Variants in COL13A1 observed in about 807,000 individuals in gnomAD.
COL13A1 encodes the protein collagen type XIII alpha 1 chain.
A neutral mutation model predicts 130.9 loss-of-function variants in COL13A1; 89 were observed. The observed-to-expected ratio is 0.68, with a 90% confidence interval of 0.57 to 0.81. COL13A1 has a LOEUF of 0.81. COL13A1 is among the 30% of genes least tolerant of loss of function. The probability of loss-of-function intolerance (pLI) is 0.00; values close to 1 mark genes in which losing one functional copy is unlikely to be tolerated. For synonymous variants in COL13A1, 402 were observed against 341.6 expected (o/e 1.18, Z -1.95); for missense variants, 879 against 934.6 (o/e 0.94, Z 0.78).
chr10:69,838,175 G>A (rs1042935215), intron 2 of COL13A1, among the ~76,000 whole-genome samples: 3 of 152,252 alleles, frequency 2.0e-5, no homozygotes, highest in African/African-American at 7.2e-5. Context: ...CCACAGCCTT[G>A]TGCCTTCCCG....
chr10:69,893,369 C>A (rs2061366145), intron 10 of COL13A1, among the ~76,000 whole-genome samples: 1 of 152,230 alleles, frequency 6.6e-6, no homozygotes, highest in South Asian at 2.1e-4. Context: ...CAATAAAAGA[C>A]CAATAAACAC....
At chr10:69,839,883 T>A (rs541599195) in intron 2 of COL13A1, among the ~76,000 whole-genome samples, 1 of 152,168 alleles carries the variant, frequency 6.6e-6, no homozygotes, top group South Asian at 2.1e-4. Flanking sequence ...TCACCCTCAA[T>A]GAGCCAGGAA....
At chr10:69,830,232 C>G (rs1227758) in intron 2 of COL13A1, among the ~76,000 whole-genome samples, 2 of 152,052 alleles carry the variant, frequency 1.3e-5, no homozygotes, top group Non-Finnish European at 2.9e-5. Context: ...CTAGGCACTT[C>G]TGAGAGAAAT....
At chr10:69,898,061 C>T (rs975502778) in intron 13 of COL13A1, among the ~76,000 whole-genome samples, 6 of 152,216 alleles carry the variant, frequency 3.9e-5, no homozygotes, top group Non-Finnish European at 5.9e-5. Context: ...CATGTGCCCA[C>T]GCTGGCCTCA....
intron 2 of COL13A1, among the ~76,000 whole-genome samples, chr10:69,823,462 T>A: frequency 6.6e-6 from 1 of 152,172 alleles, no homozygotes; most frequent in East Asian, 1.9e-4. Context: ...CTCTGCCAGC[T>A]CAGCGTGTGG....
At chr10:69,952,747 T>C in intron 38 of COL13A1, 135 bp from the exon 39 acceptor site, 1 of 624,686 alleles carries the variant, frequency 1.6e-6, no homozygotes, top group Non-Finnish European at 2.6e-6. Flanking sequence ...CAAATCCTAC[T>C]GGGGAGAATA....
At chr10:69,861,257 A>T (rs574904550) in intron 2 of COL13A1, among the ~76,000 whole-genome samples, 2 of 152,200 alleles carry the variant, frequency 1.3e-5, no homozygotes, top group African/African-American at 2.4e-5. Flanking sequence ...CCAGGTGTGA[A>T]GTCCACTTCC....
intron 17 of COL13A1, among the ~76,000 whole-genome samples, chr10:69,915,568 G>T (rs535039787): frequency 1.5e-4 from 23 of 152,354 alleles, no homozygotes; most frequent in Admixed American, 4.6e-4. Flanking sequence ...CATTGAGGAT[G>T]CAGCGCTGAG....
At position 69,806,670 on chromosome 10, in the gene COL13A1, G is replaced by T. The variant is rs1841666689; in HGVS notation, c.294+3953G>T. 3.3e-5 allele frequency among the ~76,000 whole-genome samples: 5 copies of T among 152,342 alleles called. No individual in the cohort carries two copies. The South Asian group carries it at 1.0e-3, about 32-fold the overall frequency. ...GAAAATCAGATGACACCTAGGACTG[G>T]GCAGCCGTGTGCAGTGAATGAGAAG... On this transcript the variant is annotated intron_variant, in intron 1 of 40. Coordinates refer to ENST00000645393, the MANE Select transcript of COL13A1 (RefSeq NM_001368882.1).
chr10:69,927,304 AGAG>A (rs2065497009), intron 27 of COL13A1, among the ~76,000 whole-genome samples, 194 bp downstream of exon 27: 1 of 152,100 alleles, frequency 6.6e-6, no homozygotes, highest in South Asian at 2.1e-4. Context: ...GTGGGCCTCG[AGAG>A]CTGCCCGTGC....
At position 69,917,297 on chromosome 10, in the gene COL13A1, G is replaced by A; in HGVS notation, c.930G>A (p.Arg310=). The A allele has an allele frequency of 6.2e-7, 1 of 1,613,608 alleles. No individual in the cohort carries two copies. Among genetic ancestry groups the A allele is most frequent in the East Asian group, 2.2e-5 (1 of 44,874 alleles). ...IQGYHGRKGE[R]GMPGMPGKHG... ...CTCATTTCTTCCTCCAGGGAGAACG[G>A]GGCATGCCAGGGATGCCAGGCAAGC... Residue 310 remains arginine (R), a synonymous_variant, in exon 18 of 41, where the codon CGG becomes CGA. Coordinates refer to ENST00000645393, the MANE Select transcript of COL13A1 (RefSeq NM_001368882.1).
At chr10:69,944,620 C>T (rs1425083297) in intron 36 of COL13A1, among the ~76,000 whole-genome samples, 2 of 148,246 alleles carry the variant, frequency 1.3e-5, no homozygotes, top group Non-Finnish European at 3.0e-5. Context: ...TATTATATTA[C>T]TGCACTCCAG....
At position 69,930,100 on chromosome 10, in the gene COL13A1, G is replaced by T. The variant is rs895397855; in HGVS notation, c.1530+13G>T. ...CGATGGGGAAAAGGTATGAACAGACGTCCTCTGGTCAAACCTCTGAAGACA... is the reference window on the plus strand; with the variant it reads ...CGATGGGGAAAAGGTATGAACAGACTTCCTCTGGTCAAACCTCTGAAGACA... On this transcript the variant is annotated intron_variant, in intron 29 of 40. Coordinates refer to ENST00000645393, the MANE Select transcript of COL13A1 (RefSeq NM_001368882.1). The T allele has an allele frequency of 3.1e-6, 5 of 1,613,464 alleles. No homozygotes were observed. The highest frequency in any genetic ancestry group is 4.2e-6 in the Non-Finnish European group (5 of 1,179,534).
At chr10:69,899,732 T>C (rs2062002995) in intron 14 of COL13A1, among the ~76,000 whole-genome samples, 1 of 152,218 alleles carries the variant, frequency 6.6e-6, no homozygotes, top group Non-Finnish European at 1.5e-5. Context: ...TCTTCAGAGA[T>C]CACAGCTTGA....
chr10:69,934,323 A>G (rs895435387), intron 31 of COL13A1, among the ~76,000 whole-genome samples: 16 of 152,338 alleles, frequency 1.1e-4, no homozygotes, highest in African/African-American at 3.8e-4. Context: ...AAAATGGTAA[A>G]CTTTTGTTAA....
rs147780596 is a variant in COL13A1, at chr10:69,949,920, G to A, written c.2058+2578G>A. 8.4e-4 allele frequency among the ~76,000 whole-genome samples: 126 copies of A among 149,976 alleles called. 1 individual carries two copies. Among genetic ancestry groups the A allele is most frequent in the Middle Eastern group, 3.5e-3 (1 of 284 alleles). On this transcript the variant is annotated intron_variant, in intron 38 of 40. Coordinates refer to ENST00000645393, the MANE Select transcript of COL13A1 (RefSeq NM_001368882.1). The stretch of plus-strand genomic sequence containing the variant: ...GCCCAACTTTGGGGGGGTGGGGGGT[G>A]CACGCATGTTTGTGTGTGTGTGTGT...
intron 2 of COL13A1, among the ~76,000 whole-genome samples, chr10:69,840,236 G>C (rs1323208191): frequency 6.6e-6 from 1 of 152,216 alleles, no homozygotes; most frequent in Non-Finnish European, 1.5e-5. Context: ...TAGCCCAGGT[G>C]CTGGGGGTCA....
intron 17 of COL13A1, among the ~76,000 whole-genome samples, chr10:69,912,425 T>TC (rs888546100): frequency 6.6e-6 from 1 of 152,108 alleles, no homozygotes; most frequent in African/African-American, 2.4e-5. Flanking sequence ...GCTGCCTTTT[T>TC]CCCGGAAGGA....
intron 2 of COL13A1, among the ~76,000 whole-genome samples, chr10:69,854,755 G>A (rs1194555514): frequency 6.6e-6 from 1 of 152,120 alleles, no homozygotes; most frequent in Admixed American, 6.6e-5. Flanking sequence ...AAACAGTGCT[G>A]AAATAGATCA....
Sources: gnomAD v4.1 joint callset for allele counts (sites outside exome capture counted in the v4.1 genomes callset) on GRCh38, gnomAD v4.1.1 for gene constraint, MANE v1.5 for transcripts, NCBI Gene and HGNC (gene_info 2026-07-23, HGNC 2026-07-21) for gene names.